The following SATL1 variants were observed in gnomAD, a reference collection of about 807,000 sequenced individuals.
The protein encoded by SATL1 is spermidine/spermine N(1)-acetyltransferase-like protein 1.
Under a neutral mutation model 51.8 loss-of-function variants are expected in SATL1, and 47 were observed. The observed-to-expected ratio is 0.91, with a 90% confidence interval of 0.72 to 1.16. SATL1 has a LOEUF of 1.16. Ranked by LOEUF, SATL1 falls within the 50% of genes most tolerant of loss-of-function variation. The pLI is 0.00. For synonymous variants in SATL1, 176 were observed against 182.4 expected (o/e 0.97, Z 0.28); for missense variants, 520 against 526.4 (o/e 0.99, Z 0.12).
chrX:85,145,823 C>T (rs886706173), intron 2 of SATL1, among the ~76,000 whole-genome samples: 1 of 111,540 alleles, frequency 9.0e-6, no homozygotes, highest in African/African-American at 3.3e-5. Flanking sequence ...CCTGTGGTAC[C>T]ACGATCTGAA....
intron 4 of SATL1, among the ~76,000 whole-genome samples, chrX:85,102,721 C>A (rs1364123564): frequency 9.0e-6 from 1 of 111,523 alleles, no homozygotes; most frequent in African/African-American, 3.3e-5. Context: ...AGTGTAGGGG[C>A]ATTATCTCAA....
At chrX:85,181,548 T>C (rs1294841692) in intron 2 of SATL1, among the ~76,000 whole-genome samples, 2 of 109,228 alleles carry the variant, frequency 1.8e-5, no homozygotes, top group Non-Finnish European at 3.8e-5. Flanking sequence ...GTCAGATTTT[T>C]CTGAGTGTTA....
intron 2 of SATL1, among the ~76,000 whole-genome samples, chrX:85,136,270 A>C (rs1482059038): frequency 9.2e-6 from 1 of 109,055 alleles, no homozygotes; most frequent in Non-Finnish European, 1.9e-5. Flanking sequence ...TTCATTAAGC[A>C]GTTGGATATC....
intron 4 of SATL1, among the ~76,000 whole-genome samples, chrX:85,095,755 G>A (rs892796194): frequency 1.0e-4 from 10 of 99,816 alleles, no homozygotes; most frequent in Admixed American, 2.2e-4. Flanking sequence ...GAACCCGGGA[G>A]GCGGAGCTTG....
intron 2 of SATL1, among the ~76,000 whole-genome samples, chrX:85,110,917 C>T (rs1241271871): frequency 8.9e-6 from 1 of 112,641 alleles, no homozygotes; most frequent in Non-Finnish European, 1.9e-5. Context: ...TCATAACAAT[C>T]CAATGAGGTA....
Position 85,092,341 on chromosome X carries a change from ACAGT to A in SATL1, c.*46_*49del, listed in dbSNP as rs1168580942. The stretch of plus-strand genomic sequence containing the variant: ...GTCAAACTGCTGTTAGACTCAGGTG[ACAGT>A]CAAATGTTGGAGGCTGTGTTGGGAT... On this transcript the variant is annotated 3_prime_UTR_variant, in exon 8 of 8. Transcript: ENST00000644105. 1 of 1,123,481 alleles carries A rather than the reference ACAGT, an allele frequency of 8.9e-7. No homozygotes were observed. 92.6% of individuals were successfully genotyped at this position (1,123,481 alleles called of 1,213,427 possible). A position where few individuals can be genotyped will look rare whatever the true frequency, so the allele number is the denominator to read the frequency against.
chrX:85,161,429 T>G (rs1376808649), intron 2 of SATL1, among the ~76,000 whole-genome samples: 1 of 104,815 alleles, frequency 9.5e-6, no homozygotes, highest in Non-Finnish European at 1.9e-5. Context: ...TCACATGCAG[T>G]GACACACACA....
chrX:85,140,279 A>G (rs1926077433), intron 2 of SATL1, among the ~76,000 whole-genome samples: 1 of 112,058 alleles, frequency 8.9e-6, no homozygotes, highest in African/African-American at 3.2e-5. Flanking sequence ...TGATAAAATA[A>G]TAAATAATAA....
chrX:85,106,639 T>G (rs1455266257), intron 3 of SATL1, among the ~76,000 whole-genome samples: 1 of 111,772 alleles, frequency 8.9e-6, no homozygotes, highest in Non-Finnish European at 1.9e-5. Context: ...CCACAGAACT[T>G]CAGCACAGTA....
At chrX:85,226,833 C>T (rs1928284584) in intron 1 of SATL1, among the ~76,000 whole-genome samples, 1 of 110,980 alleles carries the variant, frequency 9.0e-6, no homozygotes, top group African/African-American at 3.3e-5. Context: ...CTCCAGCACA[C>T]TCCTTTTAGC....
At chrX:85,198,057 TC>T (rs1049694614) in intron 2 of SATL1, among the ~76,000 whole-genome samples, 8 of 111,593 alleles carry the variant, frequency 7.2e-5, no homozygotes, top group African/African-American at 2.6e-4. Context: ...AATTTTTAGC[TC>T]CCACAAATAA....
At chrX:85,130,107 C>CT (rs956393191) in intron 2 of SATL1, among the ~76,000 whole-genome samples, 3 of 111,480 alleles carry the variant, frequency 2.7e-5, no homozygotes, top group Admixed American at 9.6e-5. Flanking sequence ...CTAAAATTCT[C>CT]TTTTTTTGTT....
At chrX:85,183,629 G>C (rs1218172092) in intron 2 of SATL1, among the ~76,000 whole-genome samples, 1 of 110,730 alleles carries the variant, frequency 9.0e-6, no homozygotes, top group Non-Finnish European at 1.9e-5. Context: ...TTTGTTTTTT[G>C]TTTAGTTTTC....
chrX:85,145,209 T>C (rs993848922), intron 2 of SATL1, among the ~76,000 whole-genome samples: 4 of 111,573 alleles, frequency 3.6e-5, no homozygotes, highest in Admixed American at 1.9e-4. Context: ...ACAACAGGCA[T>C]AAACTGGAAA....
intron 2 of SATL1, among the ~76,000 whole-genome samples, chrX:85,135,515 T>A (rs2147709902): frequency 9.2e-6 from 1 of 109,212 alleles, no homozygotes; most frequent in African/African-American, 3.4e-5. Flanking sequence ...AATTATATTT[T>A]GTTACTTATA....
chrX:85,131,746 A>G lies in SATL1; in HGVS notation c.-312-22466T>C, dbSNP rs184510688. On this transcript the variant is annotated intron_variant, in intron 2 of 7. Transcript: ENST00000644105. The stretch of plus-strand genomic sequence containing the variant: ...TTGATGCAGTTTTTTCCTAGCATCA[A>G]TGGTCTTTACAATTTGGCATGTTTT... Among the ~76,000 whole-genome samples, 30 of 111,659 alleles carry G rather than the reference A, an allele frequency of 2.7e-4. No individual in the cohort carries two copies. The East Asian group carries it at 7.3e-3, about 27-fold the overall frequency.
chrX:85,101,489 A>G (rs981822742), intron 4 of SATL1, among the ~76,000 whole-genome samples: 2 of 112,516 alleles, frequency 1.8e-5, no homozygotes, highest in Non-Finnish European at 3.8e-5. Context: ...ATGAGATATC[A>G]CTTCATACCG....
chrX:85,225,726 T>A (rs1309215558), intron 1 of SATL1, among the ~76,000 whole-genome samples: 5 of 111,781 alleles, frequency 4.5e-5, no homozygotes, highest in Non-Finnish European at 9.4e-5. Flanking sequence ...ACAAAGTTCA[T>A]ATGCAAGAAA....
intron 2 of SATL1, among the ~76,000 whole-genome samples, chrX:85,187,394 T>C (rs1927336526): frequency 9.0e-6 from 1 of 111,689 alleles, no homozygotes; most frequent in Non-Finnish European, 1.9e-5. Context: ...TGGGCATCCT[T>C]ACCTTGTTCT....
Sources: gnomAD v4.1 joint callset for allele counts (sites outside exome capture counted in the v4.1 genomes callset) on GRCh38, gnomAD v4.1.1 for gene constraint, MANE v1.5 for transcripts, NCBI Gene and HGNC (gene_info 2026-07-23, HGNC 2026-07-21) for gene names.